The following BEST3 variants were observed in gnomAD, a reference collection of about 807,000 sequenced individuals.
BEST3 encodes bestrophin-3.
A neutral mutation model predicts 47.1 loss-of-function variants in BEST3; 50 were observed. The ratio of observed to expected loss-of-function variants is 1.06; its 90% CI spans 0.85 to 1.34. The LOEUF (loss-of-function observed/expected upper bound fraction) is 1.34, where lower values mean the gene tolerates loss of function less well. Among genes scored for constraint, BEST3 ranks in the 40% most tolerant of loss-of-function variants. BEST3 has a pLI of 0.00. For missense variants in BEST3, 765 were observed against 817.0 expected, an observed-to-expected ratio of 0.94 and a Z score of 0.78; for synonymous variants, 282 against 298.8, an observed-to-expected ratio of 0.94 and a Z score of 0.58.
chr12:69,651,379 A>G (rs1056162912), downstream of BEST3, among the ~76,000 whole-genome samples: 9 of 152,222 alleles, frequency 5.9e-5, no homozygotes, highest in Non-Finnish European at 1.3e-4. Context: ...GTAAAGGAAA[A>G]CACTGGTTTT....
At chr12:69,697,060 C>T (rs928175157) in intron 2 of BEST3, among the ~76,000 whole-genome samples, 5 of 152,122 alleles carry the variant, frequency 3.3e-5, no homozygotes, top group Non-Finnish European at 1.5e-5. Flanking sequence ...ATAAGCACCT[C>T]CTTTTGTGAA....
chr12:69,693,245 C>CTTTTTTTTTTTTTT (rs71094730), intron 4 of BEST3, among the ~76,000 whole-genome samples: 4 of 136,646 alleles, frequency 2.9e-5, no homozygotes, highest in Non-Finnish European at 4.6e-5. Context: ...CTCTCTCTCT[C>CTTTTTTTTTTTTTT]TTTTTTTTTT....
chr12:69,689,081 GC>G (rs1885805107), intron 4 of BEST3: 21 of 985,402 alleles, frequency 2.1e-5, no homozygotes, highest in Non-Finnish European at 2.4e-5. Context: ...AGTCCTCTCT[GC>G]CCTCAGGCAG....
chr12:69,687,690 G>C (rs1411988157), intron 4 of BEST3, among the ~76,000 whole-genome samples: 5 of 148,008 alleles, frequency 3.4e-5, no homozygotes, highest in Middle Eastern at 3.6e-3. Context: ...AGACTCCAAG[G>C]CTTTAAGAAA....
chr12:69,674,563 A>C (rs1160639858), intron 7 of BEST3, among the ~76,000 whole-genome samples: 1 of 152,138 alleles, frequency 6.6e-6, no homozygotes, highest in Non-Finnish European at 1.5e-5. Context: ...TCTTGCCTGG[A>C]GATTTACTTA....
At chr12:69,691,696 G>T (rs1393084701) in intron 4 of BEST3, among the ~76,000 whole-genome samples, 1 of 152,166 alleles carries the variant, frequency 6.6e-6, no homozygotes, top group Non-Finnish European at 1.5e-5. Flanking sequence ...GGAGTCTGAG[G>T]CAGGGGAATC....
intron 2 of BEST3, 97 bp from the exon 3 acceptor site, chr12:69,694,561 C>A (rs1408929719): frequency 5.5e-6 from 3 of 540,902 alleles, no homozygotes; most frequent in Non-Finnish European, 9.0e-6. Flanking sequence ...CACAAATAAT[C>A]TTTTATTTTT....
In BEST3 at chr12:69,655,203, C is replaced by T. The variant is rs140412369; in HGVS notation, c.1711G>A (p.Ala571Thr). 8.1e-6 allele frequency: 13 copies of T among 1,614,130 alleles called. No homozygotes were observed. Among genetic ancestry groups the T allele is most frequent in the Middle Eastern group, 1.6e-4 (1 of 6,062 alleles). Residue 571 changes from alanine to threonine, a missense_variant, in exon 10 of 10, where the codon GCT (alanine) becomes ACT (threonine). Ala to Thr is a moderately conservative substitution (Grantham distance 58). Transcript: ENST00000330891. The part of the protein sequence containing the change: ...GPSPQTVSAS[A>T]EENIFNCEED... ...TCACAGTTGAATATATTTTCCTCAGCGCTGGCTGAAACTGTCTGGGGACTG... is the reference window on the plus strand; with the variant it reads ...TCACAGTTGAATATATTTTCCTCAGTGCTGGCTGAAACTGTCTGGGGACTG...
rs368480571 is a variant in BEST3, at chr12:69,668,917, A to G, written c.1100+2511T>C. 2.6e-5 allele frequency among the ~76,000 whole-genome samples: 4 copies of G among 152,188 alleles called. No homozygotes were observed. The East Asian group carries it at 5.8e-4, about 22-fold the overall frequency. On this transcript the variant is annotated intron_variant, in intron 9 of 9. Transcript: ENST00000330891. ...GTAAGCTGTAAGCCTGGAGCTTGCC[A>G]TTTTGCCATTTTTGCCCTCAGGATG...
At position 69,653,625 on chromosome 12, in the gene BEST3, T is replaced by G; in HGVS notation, c.*1282A>C. On this transcript the variant is annotated 3_prime_UTR_variant, in exon 10 of 10. Transcript: ENST00000330891. ...AATAAATGGTAGTTTTGAGGGTTAT[T>G]TTATTTCTAAAGCCATATGTAGTCA... 1.0e-6 allele frequency: 1 copy of G among 985,104 alleles called. No homozygotes were observed. The highest frequency in any genetic ancestry group is 1.2e-6 in the Non-Finnish European group (1 of 829,638). 61.0% of individuals were successfully genotyped at this position (985,104 alleles called of 1,614,324 possible). A position where few individuals can be genotyped will look rare whatever the true frequency, so the allele number is the denominator to read the frequency against.
At chr12:69,684,696 T>C in intron 4 of BEST3, 1 of 510,288 alleles carries the variant, frequency 2.0e-6, no homozygotes, top group Admixed American at 2.8e-5. Context: ...CCTGGCTTGT[T>C]TTTATCTCTG....
chr12:69,686,172 T>G (rs1321867683), intron 4 of BEST3, among the ~76,000 whole-genome samples: 1 of 137,052 alleles, frequency 7.3e-6, no homozygotes, highest in African/African-American at 2.7e-5. Flanking sequence ...CCCAGAGCTG[T>G]GTAATGGATC....
At chr12:69,683,645 A>T (rs1426241504) in intron 4 of BEST3, 2 of 152,370 alleles carry the variant, frequency 1.3e-5, no homozygotes, top group African/African-American at 4.8e-5. Flanking sequence ...TCCAGACTGA[A>T]CCAATGTTTA....
At position 69,674,152 on chromosome 12, in the gene BEST3, A is replaced by G. The variant is rs544299482; in HGVS notation, c.868-1187T>C. Among the ~76,000 whole-genome samples the G allele has an allele frequency of 1.1e-4, 17 of 152,224 alleles. No individual in the cohort carries two copies. The East Asian group carries it at 1.5e-3, about 14-fold the overall frequency. On this transcript the variant is annotated intron_variant, in intron 7 of 9. Transcript: ENST00000330891. Reference sequence around the variant, plus strand: ...GAGTCTAGATGGAAAAAAATTTTAAATGTGTAAAATAAAGGCACCATGTGA... The same window carrying G: ...GAGTCTAGATGGAAAAAAATTTTAAGTGTGTAAAATAAAGGCACCATGTGA...
chr12:69,699,099 C>A (rs1886231786), intron 1 of BEST3, 106 bp downstream of exon 1: 1 of 639,968 alleles, frequency 1.6e-6, no homozygotes, highest in South Asian at 6.9e-5. Flanking sequence ...ACTTTCCTTT[C>A]TTTCATTTAG....
chr12:69,684,599 C>A (rs139739657), intron 4 of BEST3: 1 of 675,936 alleles, frequency 1.5e-6, no homozygotes, highest in South Asian at 1.6e-5. Context: ...GGGTTTCATG[C>A]CAGTTCTTTC....
At chr12:69,659,177 G>C (rs1169066904) in intron 9 of BEST3, among the ~76,000 whole-genome samples, 1 of 152,052 alleles carries the variant, frequency 6.6e-6, no homozygotes, top group Non-Finnish European at 1.5e-5. Context: ...TGCTGTAACA[G>C]AGCAGTAGGG....
intron 2 of BEST3, among the ~76,000 whole-genome samples, chr12:69,695,603 T>C (rs937354351): frequency 9.2e-5 from 14 of 152,158 alleles, no homozygotes; most frequent in African/African-American, 2.7e-4. Flanking sequence ...TTTCTGATGT[T>C]CAAATAGACA....
At chr12:69,669,202 A>G (rs111882354) in intron 9 of BEST3, among the ~76,000 whole-genome samples, 12 of 152,178 alleles carry the variant, frequency 7.9e-5, no homozygotes, top group Non-Finnish European at 5.9e-5. Context: ...AAAGGGGGCC[A>G]TTTCTATCAA....
Sources: gnomAD v4.1 joint callset for allele counts (sites outside exome capture counted in the v4.1 genomes callset) on GRCh38, gnomAD v4.1.1 for gene constraint, MANE v1.5 for transcripts, NCBI Gene and HGNC (gene_info 2026-07-23, HGNC 2026-07-21) for gene names.